GRM1: variants seen among roughly 807,000 people sequenced by gnomAD.
GRM1 encodes metabotropic glutamate receptor 1.
GRM1 carries 33 observed loss-of-function variants against 90.9 expected under a neutral mutation model. The observed-to-expected ratio is 0.36, with a 90% CI of 0.28 to 0.49. The LOEUF (loss-of-function observed/expected upper bound fraction) is 0.49. Among genes scored for constraint, GRM1 ranks in the 20% least tolerant of loss-of-function variants. The probability of loss-of-function intolerance (pLI) is 0.99; values close to 1 mark genes in which losing one functional copy is unlikely to be tolerated. For synonymous variants in GRM1, 700 were observed against 613.2 expected, an observed-to-expected ratio of 1.14 and a Z score of -2.09; for missense variants, 1,190 against 1,534.3, an observed-to-expected ratio of 0.78 and a Z score of 3.75.
Position 146,291,914 on chromosome 6 carries a change from T to C in GRM1, c.951-12697T>C, listed in dbSNP as rs1385349525. Among the ~76,000 whole-genome samples the C allele has an allele frequency of 2.0e-5, 3 of 152,094 alleles. No individual in the cohort carries two copies. In the East Asian group the frequency reaches 5.8e-4, roughly 29 times the overall value. On this transcript the variant is annotated intron_variant, in intron 2 of 7. Coordinates refer to ENST00000282753, the MANE Select transcript of GRM1 (RefSeq NM_001278064.2). ...TACTCACATTTTAATACTTCAAAACTTACTACAAAGCCATAGTAATCAAAA... is the reference window on the plus strand; with the variant it reads ...TACTCACATTTTAATACTTCAAAACCTACTACAAAGCCATAGTAATCAAAA...
intron 2 of GRM1, among the ~76,000 whole-genome samples, chr6:146,175,988 A>G (rs1778325631): frequency 6.6e-6 from 1 of 152,132 alleles, no homozygotes; most frequent in Non-Finnish European, 1.5e-5. Context: ...TTCACTAACT[A>G]TAGTAACTAT....
At chr6:146,132,882 T>G (rs1166931029) in intron 1 of GRM1, among the ~76,000 whole-genome samples, 1 of 152,214 alleles carries the variant, frequency 6.6e-6, no homozygotes. Flanking sequence ...TTTCTTCCAT[T>G]TGTTTGTCTC....
At chr6:146,044,227 C>T (rs545073789) in intron 1 of GRM1, among the ~76,000 whole-genome samples, 3 of 152,018 alleles carry the variant, frequency 2.0e-5, no homozygotes, top group African/African-American at 7.2e-5. Context: ...AACAGTCTCC[C>T]TTCCTGTTTT....
intron 3 of GRM1, among the ~76,000 whole-genome samples, chr6:146,351,000 C>T (rs1373540283): frequency 6.6e-6 from 1 of 152,128 alleles, no homozygotes; most frequent in Admixed American, 6.5e-5. Context: ...TCTAAATAGG[C>T]CTTTAAATAG....
chr6:146,153,535 G>A (rs964851127), intron 1 of GRM1, among the ~76,000 whole-genome samples: 13 of 152,256 alleles, frequency 8.5e-5, no homozygotes, highest in Non-Finnish European at 1.5e-4. Context: ...AGTCAAATAC[G>A]TAATACTCAG....
At chr6:146,059,343 A>G (rs1205186153) in intron 1 of GRM1, among the ~76,000 whole-genome samples, 1 of 152,264 alleles carries the variant, frequency 6.6e-6, no homozygotes, top group Non-Finnish European at 1.5e-5. Context: ...GTCAATGAGC[A>G]GTAATATTTT....
intron 1 of GRM1, among the ~76,000 whole-genome samples, chr6:146,045,062 C>G (rs1029220769): frequency 6.6e-6 from 1 of 152,046 alleles, no homozygotes; most frequent in African/African-American, 2.4e-5. Context: ...AGCCCCTTCT[C>G]ATAATTTACT....
At chr6:146,364,738 G>A (rs1230862500) in intron 5 of GRM1, among the ~76,000 whole-genome samples, 1 of 147,084 alleles carries the variant, frequency 6.8e-6, no homozygotes, top group Non-Finnish European at 1.5e-5. Context: ...ACCACATCAC[G>A]CCTCTCTCTC....
At chr6:146,132,999 A>C (rs1224005066) in intron 1 of GRM1, among the ~76,000 whole-genome samples, 1 of 152,210 alleles carries the variant, frequency 6.6e-6, no homozygotes, top group Non-Finnish European at 1.5e-5. Context: ...TCCTCTGGTG[A>C]TAGTGTGAAA....
chr6:146,030,247 C>A (rs988416331), intron 1 of GRM1, 30 bp downstream of exon 1: 3 of 1,459,090 alleles, frequency 2.1e-6, no homozygotes, highest in Non-Finnish European at 2.9e-6. Context: ...AAGAAGGGTA[C>A]TGAGAAAGTC....
chr6:146,295,740 A>G (rs1165664950), intron 2 of GRM1, among the ~76,000 whole-genome samples: 1 of 152,154 alleles, frequency 6.6e-6, no homozygotes, highest in Non-Finnish European at 1.5e-5. Context: ...TTCTTTTTTA[A>G]AAAACTTTAG....
At chr6:146,230,957 A>G (rs1272182277) in intron 2 of GRM1, among the ~76,000 whole-genome samples, 2 of 152,182 alleles carry the variant, frequency 1.3e-5, no homozygotes, top group Admixed American at 1.3e-4. Flanking sequence ...TGGAAAAAGT[A>G]AAACTATAGA....
At chr6:146,097,980 A>G (rs1219501173) in intron 1 of GRM1, among the ~76,000 whole-genome samples, 2 of 152,200 alleles carry the variant, frequency 1.3e-5, no homozygotes, top group Non-Finnish European at 2.9e-5. Flanking sequence ...TCCTCTGTTC[A>G]GCACTCCTTA....
At chr6:146,428,680 T>C (rs1397738595) in intron 7 of GRM1, among the ~76,000 whole-genome samples, 1 of 151,918 alleles carries the variant, frequency 6.6e-6, no homozygotes, top group Non-Finnish European at 1.5e-5. Context: ...AGAAATATAA[T>C]CATATTTGTT....
chr6:146,430,672 A>G (rs564847737), intron 7 of GRM1, among the ~76,000 whole-genome samples: 1 of 152,238 alleles, frequency 6.6e-6, no homozygotes, highest in African/African-American at 2.4e-5. Flanking sequence ...ATATAAATGG[A>G]TTTGATTTTA....
chr6:146,111,012 G>C (rs1583017251), intron 1 of GRM1, among the ~76,000 whole-genome samples: 1 of 152,230 alleles, frequency 6.6e-6, no homozygotes, highest in Admixed American at 6.5e-5. Flanking sequence ...GCATTGTAAA[G>C]TACATGAGTC....
chr6:146,405,759 C>G (rs1263701338), intron 7 of GRM1, among the ~76,000 whole-genome samples: 4 of 152,192 alleles, frequency 2.6e-5, no homozygotes, highest in African/African-American at 9.6e-5. Flanking sequence ...GAGCCCCATC[C>G]TTATGACTTC....
intron 1 of GRM1, among the ~76,000 whole-genome samples, chr6:146,032,205 G>T (rs1411406834): frequency 6.6e-6 from 1 of 152,054 alleles, no homozygotes; most frequent in East Asian, 1.9e-4. Flanking sequence ...GTGTTGTATG[G>T]CAAAGACAAT....
chr6:146,242,354 G>A (rs955848449), intron 2 of GRM1, among the ~76,000 whole-genome samples: 4 of 152,096 alleles, frequency 2.6e-5, no homozygotes, highest in Non-Finnish European at 5.9e-5. Context: ...GCAGTTTGCT[G>A]CCTTATTTCC....
Sources: allele counts gnomAD v4.1 joint callset (sites outside exome capture counted in the v4.1 genomes callset), GRCh38; gene constraint gnomAD v4.1.1; transcripts MANE v1.5; gene names NCBI Gene and HGNC (gene_info 2026-07-23, HGNC 2026-07-21).